ZNF45: variants seen among roughly 807,000 people sequenced by gnomAD.
The protein encoded by ZNF45 is BRC1744.
Under a neutral mutation model 12.0 loss-of-function variants are expected in ZNF45, and 4 were observed. That is an observed-to-expected ratio of 0.33 (90% CI 0.16 to 0.76). The LOEUF is 0.76. Ranked by LOEUF, ZNF45 falls within the 30% of genes least tolerant of loss-of-function variation. The probability of loss-of-function intolerance (pLI) is 0.60; values close to 1 mark genes in which losing one functional copy is unlikely to be tolerated. For synonymous variants in ZNF45, 272 were observed against 279.6 expected, an observed-to-expected ratio of 0.97 and a Z score of 0.27; for missense variants, 700 against 813.0, an observed-to-expected ratio of 0.86 and a Z score of 1.69.
intron 7 of ZNF45, 145 bp from the exon 8 acceptor site, chr19:43,919,844 T>C: frequency 2.6e-6 from 2 of 782,056 alleles, no homozygotes; most frequent in Non-Finnish European, 3.9e-6. Flanking sequence ...GTTAAACACA[T>C]ATAAAGTGTA....
chr19:43,915,284 A>G (rs1454026414), intron 9 of ZNF45, 84 bp from the exon 10 acceptor site: 2 of 1,339,442 alleles, frequency 1.5e-6, no homozygotes, highest in Non-Finnish European at 1.9e-6. Flanking sequence ...TCGGGCCCAT[A>G]GCCTAAGGCT....
chr19:43,919,744 C>T, intron 7 of ZNF45, 45 bp from the exon 8 acceptor site: 2 of 1,599,654 alleles, frequency 1.3e-6, no homozygotes, highest in Non-Finnish European at 1.7e-6. Context: ...AATAAAGGTC[C>T]ACTGGAAAAG....
chr19:43,920,744 G>T (rs1453634347), intron 7 of ZNF45, among the ~76,000 whole-genome samples: 1 of 151,696 alleles, frequency 6.6e-6, no homozygotes, highest in South Asian at 2.1e-4. Flanking sequence ...GGGAATACAG[G>T]CGTGCGCCAC....
Position 43,918,906 on chromosome 19 carries a change from T to A in ZNF45, c.199A>T (p.Met67Leu). The A allele has an allele frequency of 6.2e-7, 1 of 1,614,168 alleles. No homozygotes were observed. The highest frequency in any genetic ancestry group is 8.5e-7 in the Non-Finnish European group (1 of 1,180,012). ...PQLEREEKLWMMKMATQRDNS... is the reference protein window; with the variant it reads ...PQLEREEKLWLMKMATQRDNS... ...TCTCTCTGGGTTGCCATCTTCATCATCCACAGCTTTTCTTCTCTCTCTAAC... is the reference window on the plus strand; with the variant it reads ...TCTCTCTGGGTTGCCATCTTCATCAACCACAGCTTTTCTTCTCTCTCTAAC... Residue 67 changes from methionine (M) to leucine (L), a missense_variant, in exon 9 of 10, where the codon ATG becomes TTG. Physicochemically the swap from Met to Leu is conservative, Grantham distance 15 (BLOSUM62 2). Coordinates refer to ENST00000269973, the MANE Select transcript of ZNF45 (RefSeq NM_003425.4).
chr19:43,918,503 C>A (rs1184778462), intron 9 of ZNF45, among the ~76,000 whole-genome samples: 1 of 152,160 alleles, frequency 6.6e-6, no homozygotes, highest in Non-Finnish European at 1.5e-5. Flanking sequence ...TGCCCCTTCC[C>A]TGTAAGGACG....
intron 9 of ZNF45, among the ~76,000 whole-genome samples, chr19:43,917,827 G>A (rs78179065): frequency 0.058 from 8,813 of 152,158 alleles, 833 homozygotes; most frequent in African/African-American, 0.2. Flanking sequence ...TGGTCTTCCT[G>A]AGAATGTGTC....
chr19:43,919,852 G>T, intron 7 of ZNF45, 153 bp from the exon 8 acceptor site: 1 of 714,556 alleles, frequency 1.4e-6, no homozygotes, highest in Non-Finnish European at 2.1e-6. Context: ...CATATAAAGT[G>T]TATTATATTT....
At position 43,932,588 on chromosome 19, in the gene ZNF45, T is replaced by C. The variant is rs1223855795; in HGVS notation, c.-400+16A>G. On this transcript the variant is annotated intron_variant, in intron 3 of 9. Transcript: ENST00000269973. Reference sequence around the variant, plus strand: ...AAAATCCAGATGCCTGTTGGAGAGCTACATGAATCACTTACTCACTGAATA... The same window carrying C: ...AAAATCCAGATGCCTGTTGGAGAGCCACATGAATCACTTACTCACTGAATA... 1.3e-5 allele frequency: 2 copies of C among 152,218 alleles called. No individual in the cohort carries two copies. The highest frequency in any genetic ancestry group is 2.9e-5 in the Non-Finnish European group (2 of 68,052). 9.4% of individuals were successfully genotyped at this position (152,218 alleles called of 1,614,324 possible).
At chr19:43,930,963 T>C (rs886942639) in intron 3 of ZNF45, among the ~76,000 whole-genome samples, 1 of 151,926 alleles carries the variant, frequency 6.6e-6, no homozygotes, top group Non-Finnish European at 1.5e-5. Context: ...CTTACCATTA[T>C]AACATATCTC....
rs139450801 is a variant in ZNF45, at chr19:43,933,172, A to G, written c.-486-482T>C. Among the ~76,000 whole-genome samples, 29 of 152,282 alleles carry G rather than the reference A, an allele frequency of 1.9e-4. No individual in the cohort carries two copies. In the East Asian group the frequency reaches 5.6e-3, roughly 29 times the overall value. On this transcript the variant is annotated intron_variant, in intron 2 of 9. Coordinates refer to ENST00000269973, the MANE Select transcript of ZNF45 (RefSeq NM_003425.4). ...TAATTGCCCCTCCCTTGGCCTTCAT[A>G]TATAAACGATTAGTGAGGCCTAGCA...
chr19:43,932,494 C>T (rs895258172), intron 3 of ZNF45, 110 bp downstream of exon 3: 1 of 152,188 alleles, frequency 6.6e-6, no homozygotes, highest in Non-Finnish European at 1.5e-5. Context: ...GCCCACCAAA[C>T]GTGAGATAAC....
chr19:43,917,751 G>A (rs1222030221), intron 9 of ZNF45, among the ~76,000 whole-genome samples: 1 of 152,146 alleles, frequency 6.6e-6, no homozygotes, highest in Admixed American at 6.5e-5. Flanking sequence ...CTCCCAAAGT[G>A]CTGGGATTAC....
In ZNF45 at chr19:43,913,879, C is replaced by A. The variant is rs373107949; in HGVS notation, c.1557G>T (p.Gln519His). 6.2e-7 allele frequency: 1 copy of A among 1,612,630 alleles called. No individual in the cohort carries two copies. Among genetic ancestry groups the A allele is most frequent in the Non-Finnish European group, 8.5e-7 (1 of 1,179,474 alleles). ...ATGGTTTCTCTCCAGTGTGAACTCT[C>A]TGATGCACCTGAAGGCTGGAGAACT... ...FSQFSSLQVHQRVHTGEKPYQ... is the reference protein window; with the variant it reads ...FSQFSSLQVHHRVHTGEKPYQ... Residue 519 changes from glutamine (Q) to histidine (H), a missense_variant, in exon 10 of 10, where the codon CAG becomes CAT. Coordinates refer to ENST00000269973, the MANE Select transcript of ZNF45 (RefSeq NM_003425.4).
intron 9 of ZNF45, among the ~76,000 whole-genome samples, chr19:43,915,624 C>G (rs1193503596): frequency 6.6e-6 from 1 of 152,232 alleles, no homozygotes; most frequent in Non-Finnish European, 1.5e-5. Context: ...AGCTCTGCCT[C>G]CTGTCACATC....
intron 2 of ZNF45, among the ~76,000 whole-genome samples, chr19:43,933,084 T>A (rs74615748): frequency 2.5e-3 from 385 of 152,318 alleles, no homozygotes; most frequent in African/African-American, 8.7e-3. Context: ...CTGTAACAAA[T>A]ACATTTCTGT....
chr19:43,920,021 T>C (rs188057095), intron 7 of ZNF45, among the ~76,000 whole-genome samples: 239 of 152,304 alleles, frequency 1.6e-3, no homozygotes, highest in African/African-American at 5.5e-3. Flanking sequence ...CTTTTCAATT[T>C]TTCCCTGTCT....
chr19:43,914,143 A>T lies in ZNF45; in HGVS notation c.1293T>A (p.Phe431Leu). The T allele has an allele frequency of 1.2e-6, 2 of 1,613,888 alleles. No homozygotes were observed. The highest frequency in any genetic ancestry group is 1.7e-6 in the Non-Finnish European group (2 of 1,179,912). ...CTGTATGGACTCTAAAATGAATGTT[A>T]AAATCTGAGCTACGACTGAAGCCCT... The part of the protein sequence containing the change: ...CGKGFSRSSD[F>L]NIHFRVHTGE... Residue 431 changes from phenylalanine to leucine, a missense_variant, in exon 10 of 10, where the codon TTT (phenylalanine) becomes TTA (leucine). Physicochemically the swap from Phe to Leu is conservative, Grantham distance 22 (BLOSUM62 0). Transcript: ENST00000269973.
chr19:43,925,739 A>C (rs957230649), intron 3 of ZNF45, among the ~76,000 whole-genome samples: 2 of 152,140 alleles, frequency 1.3e-5, no homozygotes, highest in African/African-American at 4.8e-5. Context: ...ATCCTGCCTC[A>C]GCCTCCCCAG....
intron 6 of ZNF45, 98 bp from the exon 7 acceptor site, chr19:43,922,315 T>TTTG (rs1973260373): frequency 4.7e-6 from 4 of 844,410 alleles, no homozygotes; most frequent in Non-Finnish European, 7.1e-6. Flanking sequence ...TGTTTTGTTT[T>TTTG]TTTTAACGTG....
Sources: gnomAD v4.1 joint callset for allele counts (sites outside exome capture counted in the v4.1 genomes callset) on GRCh38, gnomAD v4.1.1 for gene constraint, MANE v1.5 for transcripts, NCBI Gene and HGNC (gene_info 2026-07-23, HGNC 2026-07-21) for gene names.